Variants in WDFY2 observed in about 807,000 individuals in gnomAD.
WDFY2 encodes WD repeat and FYVE domain-containing protein 2.
WDFY2 carries 36 observed loss-of-function variants against 56.4 expected under a neutral mutation model. The ratio of observed to expected loss-of-function variants is 0.64; its 90% CI spans 0.49 to 0.84. The LOEUF (loss-of-function observed/expected upper bound fraction) is 0.84. Ranked by LOEUF, WDFY2 falls within the 40% of genes least tolerant of loss-of-function variation. The pLI, the probability that WDFY2 is intolerant of heterozygous loss-of-function variation, is 0.00. For synonymous variants in WDFY2, 176 were observed against 183.7 expected (o/e 0.96, Z 0.34); for missense variants, 444 against 512.2 (o/e 0.87, Z 1.29).
Position 51,584,589 on chromosome 13 carries a change from A to C in WDFY2, c.-99A>C. The C allele has an allele frequency of 7.0e-7, 1 of 1,423,686 alleles. No homozygotes were observed. The highest frequency in any genetic ancestry group is 9.2e-7 in the Non-Finnish European group (1 of 1,081,666). The allele number at this position is 1,423,686 out of a possible 1,614,324, so 88.2% of individuals were successfully genotyped here. On this transcript the variant is annotated 5_prime_UTR_variant, in exon 1 of 12. Coordinates refer to ENST00000298125, the MANE Select transcript of WDFY2 (RefSeq NM_052950.4). ...TTCCGGCGTTCCGCTCCGGCCAGCC[A>C]GAGTCTCTGTCTCAACCTGTGTCCG...
At chr13:51,638,439 A>G (rs1181248402) in intron 1 of WDFY2, among the ~76,000 whole-genome samples, 2 of 152,206 alleles carry the variant, frequency 1.3e-5, no homozygotes, top group African/African-American at 4.8e-5. Flanking sequence ...CTCTGCGTTT[A>G]AATTTTGGTG....
intron 1 of WDFY2, among the ~76,000 whole-genome samples, chr13:51,602,251 T>C (rs1954301607): frequency 6.6e-6 from 1 of 152,212 alleles, no homozygotes. Context: ...CCTAGTGACA[T>C]TGTAGCCATC....
intron 6 of WDFY2, among the ~76,000 whole-genome samples, chr13:51,733,408 C>A (rs1410781956): frequency 6.6e-6 from 1 of 152,120 alleles, no homozygotes; most frequent in East Asian, 1.9e-4. Context: ...TCCAGACCTG[C>A]AGAACAGCAG....
chr13:51,649,616 G>A (rs950494784), intron 1 of WDFY2, among the ~76,000 whole-genome samples: 4 of 129,468 alleles, frequency 3.1e-5, no homozygotes, highest in African/African-American at 1.2e-4. Context: ...GGTGTGTGAT[G>A]TTCCCCTTCC....
intron 3 of WDFY2, 55 bp from the exon 4 acceptor site, chr13:51,703,541 T>C (rs191239675): frequency 1.2e-5 from 16 of 1,320,464 alleles, no homozygotes; most frequent in African/African-American, 7.4e-5. Flanking sequence ...TTACCAAATA[T>C]AGTCATTCAC....
At chr13:51,653,975 T>C (rs765924300) in intron 1 of WDFY2, among the ~76,000 whole-genome samples, 2 of 152,210 alleles carry the variant, frequency 1.3e-5, no homozygotes, top group Non-Finnish European at 2.9e-5. Context: ...TTCTGCTGCC[T>C]TTTGTTTGGC....
chr13:51,589,439 T>C (rs1209718894), intron 1 of WDFY2: 1 of 152,186 alleles, frequency 6.6e-6, no homozygotes, highest in Non-Finnish European at 1.5e-5. Context: ...GAAAAAAATA[T>C]GTTAAAATTT....
At chr13:51,710,147 A>G (rs1230086653) in intron 4 of WDFY2, among the ~76,000 whole-genome samples, 1 of 152,324 alleles carries the variant, frequency 6.6e-6, no homozygotes. Flanking sequence ...GCAAATCAAT[A>G]AACGTAATCC....
chr13:51,642,038 A>G (rs1955177503), intron 1 of WDFY2, among the ~76,000 whole-genome samples: 1 of 151,938 alleles, frequency 6.6e-6, no homozygotes, highest in African/African-American at 2.4e-5. Context: ...AGAGTCTGAG[A>G]TATTATCTCT....
intron 1 of WDFY2, among the ~76,000 whole-genome samples, chr13:51,637,768 A>G (rs2138395177): frequency 6.6e-6 from 1 of 152,328 alleles, no homozygotes; most frequent in Admixed American, 6.5e-5. Context: ...GATAATGGGG[A>G]GATGTGCTCT....
At chr13:51,683,971 A>T (rs138941573) in intron 3 of WDFY2, among the ~76,000 whole-genome samples, 107 of 152,150 alleles carry the variant, frequency 7.0e-4, no homozygotes, top group African/African-American at 2.4e-3. Context: ...ATCCTCCTAC[A>T]CTAAGCCTTG....
intron 1 of WDFY2, among the ~76,000 whole-genome samples, chr13:51,649,360 C>T (rs1334973198): frequency 1.3e-5 from 2 of 151,436 alleles, no homozygotes. Context: ...TGTCCTGTTA[C>T]TGCGAACCCA....
At chr13:51,636,682 A>G (rs533816404) in intron 1 of WDFY2, among the ~76,000 whole-genome samples, 4 of 152,318 alleles carry the variant, frequency 2.6e-5, no homozygotes, top group African/African-American at 9.6e-5. Flanking sequence ...ATCTGACAGA[A>G]TGCTCTTTGT....
At chr13:51,753,455 C>T (rs1953283653) in intron 8 of WDFY2, among the ~76,000 whole-genome samples, 1 of 152,154 alleles carries the variant, frequency 6.6e-6, no homozygotes, top group African/African-American at 2.4e-5. Flanking sequence ...TTGTATATAA[C>T]ATTCTTGGTA....
At chr13:51,730,392 A>G (rs1306256775) in intron 6 of WDFY2, among the ~76,000 whole-genome samples, 4 of 152,090 alleles carry the variant, frequency 2.6e-5, no homozygotes, top group Non-Finnish European at 4.4e-5. Flanking sequence ...CTTTTCTTCT[A>G]TGACGCTGCT....
chr13:51,749,589 G>C (rs1447520675), intron 7 of WDFY2, among the ~76,000 whole-genome samples: 1 of 152,096 alleles, frequency 6.6e-6, no homozygotes, highest in African/African-American at 2.4e-5. Flanking sequence ...TTTCCATAGT[G>C]ACATAAGGCA....
chr13:51,625,919 T>G (rs1014572507), intron 1 of WDFY2, among the ~76,000 whole-genome samples: 1 of 152,256 alleles, frequency 6.6e-6, no homozygotes, highest in Non-Finnish European at 1.5e-5. Context: ...GTTTTAATGT[T>G]GTCATGCATT....
intron 3 of WDFY2, among the ~76,000 whole-genome samples, chr13:51,681,864 A>G (rs1463665406): frequency 6.6e-6 from 1 of 152,120 alleles, no homozygotes; most frequent in African/African-American, 2.4e-5. Flanking sequence ...ATTTGTGTGA[A>G]TCAAAGACCT....
Position 51,751,330 on chromosome 13 carries a change from C to G in WDFY2, c.746C>G (p.Ser249Cys), listed in dbSNP as rs572594679. 1.1e-5 allele frequency: 17 copies of G among 1,613,846 alleles called. 1 individual carries two copies. The Middle Eastern group carries it at 4.9e-4, about 47-fold the overall frequency. The change falls in exon 8 of 12, where the codon TCC becomes TGC. Residue 249 changes from serine to cysteine, a missense_variant. Physicochemically the swap from Ser to Cys is moderately radical, Grantham distance 112. Coordinates refer to ENST00000298125, the MANE Select transcript of WDFY2 (RefSeq NM_052950.4). ...CACAGCGACAGAGTCCAGGCCCTCTCCTATGCACAGCACACGCGACAATTG... is the reference window on the plus strand; with the variant it reads ...CACAGCGACAGAGTCCAGGCCCTCTGCTATGCACAGCACACGCGACAATTG... ...QGHNDRVQAL[S>C]YAQHTRQLIS... is the part of the protein sequence containing the mutation.
Sources: gnomAD v4.1 joint callset for allele counts (sites outside exome capture counted in the v4.1 genomes callset) on GRCh38, gnomAD v4.1.1 for gene constraint, MANE v1.5 for transcripts, NCBI Gene and HGNC (gene_info 2026-07-23, HGNC 2026-07-21) for gene names.